The following GABRG1 variants were observed in gnomAD, a reference collection of about 807,000 sequenced individuals.
GABRG1 encodes gamma-aminobutyric acid type A receptor subunit gamma1, also known as gamma-aminobutyric acid receptor subunit gamma-1.
A neutral mutation model predicts 49.8 loss-of-function variants in GABRG1; 49 were observed. That is an observed-to-expected ratio of 0.98 (90% CI 0.78 to 1.25). The LOEUF is 1.25. Ranked by LOEUF, GABRG1 falls within the 50% of genes most tolerant of loss-of-function variation. GABRG1 has a pLI of 0.00. For synonymous variants in GABRG1, 232 were observed against 185.1 expected (o/e 1.25, Z -2.06); for missense variants, 552 against 552.3 (o/e 1.00, Z 0.01).
intron 2 of GABRG1, among the ~76,000 whole-genome samples, chr4:46,086,670 A>G (rs1273879488): frequency 6.6e-6 from 1 of 151,522 alleles, no homozygotes; most frequent in Admixed American, 6.6e-5. Context: ...TTTATGTTAT[A>G]TAAATTTTAC....
Position 46,058,478 on chromosome 4 carries a change from T to G in GABRG1, c.763+7A>C, listed in dbSNP as rs758242317. 6.2e-7 allele frequency: 1 copy of G among 1,611,486 alleles called. No individual in the cohort carries two copies. Among genetic ancestry groups the G allele is most frequent in the Non-Finnish European group, 8.5e-7 (1 of 1,178,862 alleles). ...GCATCATTTCACTATTTGAGTATTC[T>G]TTTTACCAGAGATCGTGTGAGTGAT... On this transcript the variant is annotated splice_region_variant and intron_variant, in intron 6 of 8. Coordinates refer to ENST00000295452, the MANE Select transcript of GABRG1 (RefSeq NM_173536.4).
chr4:46,087,500 T>C (rs1226609593), intron 2 of GABRG1, among the ~76,000 whole-genome samples: 1 of 151,664 alleles, frequency 6.6e-6, no homozygotes, highest in Non-Finnish European at 1.5e-5. Context: ...ATTTAAAAAA[T>C]AATCCATGAA....
intron 3 of GABRG1, among the ~76,000 whole-genome samples, chr4:46,070,905 A>G (rs748512744): frequency 4.6e-5 from 7 of 152,070 alleles, no homozygotes; most frequent in Non-Finnish European, 8.8e-5. Context: ...ACTGATTTCA[A>G]TGTGAATCAC....
chr4:46,042,495 T>G (rs1717823534), intron 8 of GABRG1, among the ~76,000 whole-genome samples: 1 of 152,064 alleles, frequency 6.6e-6, no homozygotes, highest in African/African-American at 2.4e-5. Flanking sequence ...ACATTAAATA[T>G]AGCGCCAATT....
intron 3 of GABRG1, among the ~76,000 whole-genome samples, chr4:46,077,116 C>T (rs1386302174): frequency 7.7e-6 from 1 of 130,312 alleles, no homozygotes; most frequent in South Asian, 2.3e-4. Flanking sequence ...CACATGGACA[C>T]AGGAAGGGGA....
At chr4:46,064,094 C>A (rs10938424) in intron 5 of GABRG1, among the ~76,000 whole-genome samples, 1 of 151,808 alleles carries the variant, frequency 6.6e-6, no homozygotes, top group African/African-American at 2.4e-5. Context: ...CCTCCAGGAA[C>A]ATGAATATAA....
At chr4:46,057,416 G>T (rs1168083450) in intron 7 of GABRG1, among the ~76,000 whole-genome samples, 1 of 152,052 alleles carries the variant, frequency 6.6e-6, no homozygotes, top group African/African-American at 2.4e-5. Context: ...ACAATTATGA[G>T]CAGTGTGATT....
At chr4:46,066,614 G>C (rs1454439082) in intron 3 of GABRG1, among the ~76,000 whole-genome samples, 1 of 152,118 alleles carries the variant, frequency 6.6e-6, no homozygotes, top group Non-Finnish European at 1.5e-5. Context: ...GGTGGTTATA[G>C]TGAAGTCTGA....
intron 1 of GABRG1, among the ~76,000 whole-genome samples, chr4:46,103,577 G>C (rs1313710747): frequency 1.3e-5 from 2 of 151,352 alleles, no homozygotes; most frequent in African/African-American, 4.8e-5. Context: ...ATTAATCAGT[G>C]AATTAATATA....
intron 3 of GABRG1, among the ~76,000 whole-genome samples, chr4:46,077,950 G>T (rs530890384): frequency 6.6e-6 from 1 of 151,640 alleles, no homozygotes; most frequent in African/African-American, 2.4e-5. Context: ...CTGGATAAAA[G>T]AAACAGCGAT....
intron 7 of GABRG1, among the ~76,000 whole-genome samples, chr4:46,053,134 T>C (rs1388362196): frequency 6.6e-6 from 1 of 151,938 alleles, no homozygotes; most frequent in Non-Finnish European, 1.5e-5. Flanking sequence ...AATTTAATTA[T>C]TTGTCTTTTT....
chr4:46,068,802 A>G (rs1022638570), intron 3 of GABRG1, among the ~76,000 whole-genome samples: 4 of 147,368 alleles, frequency 2.7e-5, no homozygotes, highest in African/African-American at 7.5e-5. Flanking sequence ...CACAGGTTAT[A>G]ATGATCTACA....
chr4:46,071,067 TG>T (rs1560358471), intron 3 of GABRG1, among the ~76,000 whole-genome samples: 1 of 152,066 alleles, frequency 6.6e-6, no homozygotes, highest in Admixed American at 6.6e-5. Flanking sequence ...AGTGATGTTG[TG>T]GCCATTCTAA....
intron 3 of GABRG1, among the ~76,000 whole-genome samples, chr4:46,075,252 A>G (rs2109416414): frequency 6.6e-6 from 1 of 152,154 alleles, no homozygotes; most frequent in South Asian, 2.1e-4. Flanking sequence ...CTAGACTAGT[A>G]ATCTCCAAAC....
chr4:46,062,647 T>C (rs1178946827), intron 5 of GABRG1, among the ~76,000 whole-genome samples: 7 of 152,212 alleles, frequency 4.6e-5, no homozygotes, highest in Admixed American at 3.9e-4. Flanking sequence ...CATTTTTTCA[T>C]GTGTCTTTTG....
At chr4:46,047,924 G>A (rs762926844) in intron 8 of GABRG1, among the ~76,000 whole-genome samples, 7 of 151,896 alleles carry the variant, frequency 4.6e-5, no homozygotes, top group Admixed American at 1.3e-4. Flanking sequence ...ATAATGTCTC[G>A]TCCATAGCTG....
chr4:46,060,848 G>C (rs1718644958), intron 5 of GABRG1, among the ~76,000 whole-genome samples: 2 of 151,824 alleles, frequency 1.3e-5, no homozygotes, highest in Admixed American at 1.3e-4. Flanking sequence ...CAGTAGTGTG[G>C]GCACAAATAA....
At chr4:46,092,037 A>G (rs1720008369) in intron 2 of GABRG1, among the ~76,000 whole-genome samples, 1 of 152,100 alleles carries the variant, frequency 6.6e-6, no homozygotes, top group Non-Finnish European at 1.5e-5. Flanking sequence ...TGAAGTTTGG[A>G]AAGGAAATAA....
At chr4:46,045,891 A>G (rs999324661) in intron 8 of GABRG1, among the ~76,000 whole-genome samples, 3 of 152,034 alleles carry the variant, frequency 2.0e-5, no homozygotes, top group African/African-American at 7.2e-5. Context: ...AAGTTAAAAT[A>G]CTGAGAAAGA....
Sources: gnomAD v4.1 joint callset for allele counts (sites outside exome capture counted in the v4.1 genomes callset) on GRCh38, gnomAD v4.1.1 for gene constraint, MANE v1.5 for transcripts, NCBI Gene and HGNC (gene_info 2026-07-23, HGNC 2026-07-21) for gene names.